Variants in MAP4K4 observed in about 807,000 individuals in gnomAD.
MAP4K4 encodes the protein mitogen-activated protein kinase kinase kinase kinase 4, also known as HPK/GCK-like kinase HGK.
In MAP4K4, 38 loss-of-function variants were observed where a neutral mutation model predicts 189.6. That is an observed-to-expected ratio of 0.20 (90% CI 0.15 to 0.26). The LOEUF is 0.26. MAP4K4 is among the 10% of genes least tolerant of loss of function. MAP4K4 has a pLI of 1.00. For missense variants in MAP4K4, 1,054 were observed against 1,726.9 expected, an observed-to-expected ratio of 0.61 and a Z score of 6.91; for synonymous variants, 610 against 624.3, an observed-to-expected ratio of 0.98 and a Z score of 0.34.
At chr2:101,859,587 A>G (rs772720906) in intron 14 of MAP4K4, 56 bp from the exon 15 acceptor site, 37 of 1,306,858 alleles carry the variant, frequency 2.8e-5, no homozygotes, top group African/African-American at 1.2e-4. Flanking sequence ...AAATCCAGAG[A>G]AGAGGCGAGC....
chr2:101,868,215 T>C (rs1170157773), intron 21 of MAP4K4, among the ~76,000 whole-genome samples, 178 bp downstream of exon 21: 3 of 152,242 alleles, frequency 2.0e-5, no homozygotes, highest in African/African-American at 7.2e-5. Context: ...CTGTATTTAT[T>C]GTTATTAAAT....
intron 23 of MAP4K4, among the ~76,000 whole-genome samples, chr2:101,870,825 G>C (rs1277916082): frequency 1.3e-5 from 2 of 152,156 alleles, no homozygotes; most frequent in South Asian, 2.1e-4. Flanking sequence ...CAGTGGGAGC[G>C]GGTGAGGCAG....
intron 2 of MAP4K4, among the ~76,000 whole-genome samples, chr2:101,701,272 C>T (rs147914157): frequency 1.3e-3 from 194 of 152,130 alleles, no homozygotes; most frequent in Middle Eastern, 0.01. Flanking sequence ...TTTGATATGT[C>T]GTATGAAATA....
exon 33 of MAP4K4, chr2:101,891,273 T>C: frequency 6.3e-7 from 1 of 1,591,906 alleles, no homozygotes; most frequent in Admixed American, 1.7e-5. Flanking sequence ...CAGGGATTAC[T>C]GGCCTCCAGA....
At chr2:101,873,657 C>T in exon 25 of MAP4K4, 1 of 1,594,248 alleles carries the variant, frequency 6.3e-7, no homozygotes, top group Non-Finnish European at 8.6e-7. Flanking sequence ...ACTCAGTCCG[C>T]TAGTAGCACA....
At chr2:101,872,056 T>C (rs2150054913) in intron 24 of MAP4K4, among the ~76,000 whole-genome samples, 1 of 152,362 alleles carries the variant, frequency 6.6e-6, no homozygotes, top group Non-Finnish European at 1.5e-5. Flanking sequence ...TTTCATTCTT[T>C]TTATCCAATA....
intron 26 of MAP4K4, among the ~76,000 whole-genome samples, chr2:101,876,789 T>C (rs1354984153): frequency 2.2e-4 from 34 of 152,264 alleles, no homozygotes; most frequent in African/African-American, 4.8e-5. Flanking sequence ...TCCTTTCTTA[T>C]GTTTAAATAT....
At chr2:101,764,417 C>T (rs532502890) in intron 2 of MAP4K4, among the ~76,000 whole-genome samples, 1 of 152,278 alleles carries the variant, frequency 6.6e-6, no homozygotes, top group African/African-American at 2.4e-5. Context: ...AGCTCAAATT[C>T]CCATTGGTAA....
intron 2 of MAP4K4, among the ~76,000 whole-genome samples, chr2:101,724,540 C>T (rs1184630361): frequency 6.6e-6 from 1 of 152,218 alleles, no homozygotes; most frequent in Admixed American, 6.5e-5. Context: ...CCTGGTTCCA[C>T]TCAAAGGCTA....
rs1352640721 is a variant in MAP4K4 at position 101,740,162 on chromosome 2, T to TGCTGTA, written c.123+41624_123+41625insGCTGTA. On this transcript the variant is annotated intron_variant, in intron 2 of 32. Coordinates refer to ENST00000324219, the Ensembl canonical transcript of MAP4K4. ...TTGCTTTATATCATCTTTTTTTTTT[T>TGCTGTA]TTTTTTTTTGAGACGGAGTCTCGCT... Among the ~76,000 whole-genome samples the TGCTGTA allele has an allele frequency of 1.3e-3, 129 of 98,166 alleles. 3 individuals carry two copies. Among genetic ancestry groups the TGCTGTA allele is most frequent in the African/African-American group, 0.012 (73 of 6,126 alleles). 64.4% of individuals were successfully genotyped at this position (98,166 alleles called of 152,430 possible).
intron 3 of MAP4K4, among the ~76,000 whole-genome samples, chr2:101,794,954 C>G (rs2093516839): frequency 6.6e-6 from 1 of 152,084 alleles, no homozygotes; most frequent in African/African-American, 2.4e-5. Context: ...TTCCTGTAGA[C>G]TGGAAATATG....
chr2:101,818,229 G>GT (rs917234206), intron 3 of MAP4K4, among the ~76,000 whole-genome samples: 5 of 152,070 alleles, frequency 3.3e-5, no homozygotes, highest in African/African-American at 4.8e-5. Flanking sequence ...CTTGTAAACT[G>GT]TTTTTTAAAA....
chr2:101,792,594 C>CTTT (rs2093065458), intron 3 of MAP4K4, among the ~76,000 whole-genome samples: 1 of 123,908 alleles, frequency 8.1e-6, no homozygotes, highest in South Asian at 2.8e-4. Context: ...ACCTTCTCCT[C>CTTT]CTTCTCCTCC....
intron 2 of MAP4K4, among the ~76,000 whole-genome samples, chr2:101,707,693 GT>G (rs1328796064): frequency 0.026 from 1,752 of 67,442 alleles, 20 homozygotes; most frequent in African/African-American, 0.062. Flanking sequence ...TTTTTTTTTT[GT>G]TTTTTTTTTT....
At chr2:101,703,550 G>C (rs372675432) in intron 2 of MAP4K4, among the ~76,000 whole-genome samples, 10 of 148,626 alleles carry the variant, frequency 6.7e-5, no homozygotes, top group East Asian at 4.0e-4. Flanking sequence ...CCTAGGAGGT[G>C]GAGGTTGCAG....
chr2:101,839,134 A>G (rs2096847745), intron 9 of MAP4K4, among the ~76,000 whole-genome samples: 1 of 152,254 alleles, frequency 6.6e-6, no homozygotes, highest in Non-Finnish European at 1.5e-5. Flanking sequence ...AGGATAGGTG[A>G]TAGGTAAGAG....
chr2:101,828,569 A>C lies in MAP4K4; in HGVS notation c.418-935A>C, dbSNP rs528577676. 1.8e-4 allele frequency among the ~76,000 whole-genome samples: 28 copies of C among 152,376 alleles called. No individual in the cohort carries two copies. The South Asian group carries it at 4.8e-3, about 26-fold the overall frequency. ...AACCCCCTATGTTAGAAAAATTAGT[A>C]TTCTAGAGGAGCTGTTGTATTTAAT... On this transcript the variant is annotated intron_variant, in intron 5 of 32. Coordinates refer to ENST00000324219, the Ensembl canonical transcript of MAP4K4.
intron 11 of MAP4K4, among the ~76,000 whole-genome samples, chr2:101,843,319 G>A (rs2096977664): frequency 6.6e-6 from 1 of 152,170 alleles, no homozygotes; most frequent in Non-Finnish European, 1.5e-5. Flanking sequence ...GTGGGGAGCC[G>A]TGTGCCAGAG....
chr2:101,751,570 C>T (rs1453891444), intron 2 of MAP4K4, among the ~76,000 whole-genome samples: 1 of 152,212 alleles, frequency 6.6e-6, no homozygotes, highest in Non-Finnish European at 1.5e-5. Context: ...ACTGCTGTTT[C>T]CATGTATTTA....
Sources: gnomAD v4.1 joint callset for allele counts (sites outside exome capture counted in the v4.1 genomes callset) on GRCh38, gnomAD v4.1.1 for gene constraint, MANE v1.5 for transcripts, NCBI Gene and HGNC (gene_info 2026-07-23, HGNC 2026-07-21) for gene names.